Variants in CLCN5 observed in about 807,000 individuals in gnomAD.
The protein encoded by CLCN5 is Cl-/H+ antiporter 5.
In CLCN5, 17 loss-of-function variants were observed where a neutral mutation model predicts 54.0. The ratio of observed to expected loss-of-function variants is 0.31; its 90% CI spans 0.22 to 0.47. The LOEUF is 0.47. CLCN5 is among the 20% of genes least tolerant of loss of function. The pLI is 1.00. For synonymous variants in CLCN5, 222 were observed against 233.0 expected (o/e 0.95, Z 0.43); for missense variants, 448 against 646.7 (o/e 0.69, Z 3.33).
chrX:50,088,388 C>G (rs782587297), intron 11 of CLCN5: 1 of 301,398 alleles, frequency 3.3e-6, no homozygotes. Flanking sequence ...GAAACTCCAT[C>G]TATTTTCCTT....
chrX:50,063,572 C>T (rs1396050790), intron 4 of CLCN5, among the ~76,000 whole-genome samples: 1 of 107,423 alleles, frequency 9.3e-6, no homozygotes, highest in Non-Finnish European at 1.9e-5. Context: ...CCGAATTCTC[C>T]CAGAGGTACA....
At chrX:50,012,192 C>T (rs1930540613) in intron 3 of CLCN5, among the ~76,000 whole-genome samples, 1 of 111,374 alleles carries the variant, frequency 9.0e-6, no homozygotes, top group Admixed American at 9.5e-5. Flanking sequence ...TCTCCAACCC[C>T]CCAACAGTGC....
intron 8 of CLCN5, among the ~76,000 whole-genome samples, 166 bp downstream of exon 8, chrX:50,080,882 G>A (rs782288269): frequency 9.0e-6 from 1 of 111,178 alleles, no homozygotes; most frequent in Non-Finnish European, 1.9e-5. Flanking sequence ...TCTCAGCCTG[G>A]GCTACCAGGA....
At chrX:50,010,648 G>A (rs782515207) in intron 3 of CLCN5, 14 of 155,464 alleles carry the variant, frequency 9.0e-5, no homozygotes, top group Non-Finnish European at 1.9e-4. Context: ...AGGTGTACAG[G>A]TACTGGAATC....
chrX:50,025,826 G>A (rs904454906), intron 3 of CLCN5, among the ~76,000 whole-genome samples: 5 of 111,121 alleles, frequency 4.5e-5, no homozygotes, highest in Non-Finnish European at 9.4e-5. Flanking sequence ...TTTTCAACGA[G>A]CCAGCTTTTG....
chrX:49,998,480 C>T (rs1929636626), intron 3 of CLCN5, among the ~76,000 whole-genome samples: 1 of 111,922 alleles, frequency 8.9e-6, no homozygotes, highest in Non-Finnish European at 1.9e-5. Flanking sequence ...CAGATCCACA[C>T]AAAATGTGCA....
intron 3 of CLCN5, among the ~76,000 whole-genome samples, chrX:49,999,232 A>G (rs1929681231): frequency 9.2e-6 from 1 of 109,166 alleles, no homozygotes; most frequent in African/African-American, 3.4e-5. Flanking sequence ...AGAGGAGGTG[A>G]CTCCTTACCT....
chrX:50,068,142 G>A (rs1335188850), intron 4 of CLCN5: 2 of 111,670 alleles, frequency 1.8e-5, no homozygotes, highest in Non-Finnish European at 3.8e-5. Context: ...AAATTCAACT[G>A]GAGCATTAAC....
chrX:50,036,268 T>C (rs1174687429), intron 3 of CLCN5, among the ~76,000 whole-genome samples: 1 of 112,709 alleles, frequency 8.9e-6, no homozygotes, highest in Non-Finnish European at 1.9e-5. Context: ...AGTACCACTT[T>C]CACTTTTACT....
intron 4 of CLCN5, among the ~76,000 whole-genome samples, chrX:50,066,361 A>G (rs782193143): frequency 9.8e-5 from 11 of 111,686 alleles, no homozygotes; most frequent in Admixed American, 5.7e-4. Context: ...TAATATAACA[A>G]TGATGAACTG....
chrX:49,996,511 G>A (rs781970341), intron 3 of CLCN5, among the ~76,000 whole-genome samples: 36 of 112,139 alleles, frequency 3.2e-4, no homozygotes, highest in Non-Finnish European at 5.5e-4. Flanking sequence ...TTGCAGCATC[G>A]AACCCCATGA....
At chrX:50,091,285 T>C (rs1426545036) in intron 14 of CLCN5, among the ~76,000 whole-genome samples, 1 of 111,799 alleles carries the variant, frequency 8.9e-6, no homozygotes, top group African/African-American at 3.3e-5. Context: ...GTGAGATTTA[T>C]ACAAAGTTCT....
chrX:49,995,816 T>G (rs1291466023), intron 3 of CLCN5, among the ~76,000 whole-genome samples: 1 of 111,987 alleles, frequency 8.9e-6, no homozygotes, highest in African/African-American at 3.2e-5. Flanking sequence ...TTTTATCATG[T>G]GTTATGTACT....
At chrX:50,041,592 T>C (rs1932218146) in intron 3 of CLCN5, among the ~76,000 whole-genome samples, 1 of 110,989 alleles carries the variant, frequency 9.0e-6, no homozygotes. Flanking sequence ...TTCCCCATTC[T>C]CAAATGGCCA....
At chrX:50,077,611 AGAGAGAGAGAGTGTGTGT>A (rs1327958869) in intron 7 of CLCN5, among the ~76,000 whole-genome samples, 5 of 96,395 alleles carry the variant, frequency 5.2e-5, no homozygotes, top group African/African-American at 1.9e-4. Flanking sequence ...AGAGAGAGAG[AGAGAGAGAGAGTGTGTGT>A]GTGTGTGTGT....
intron 4 of CLCN5, chrX:50,067,677 A>G: frequency 6.6e-6 from 5 of 753,770 alleles, no homozygotes; most frequent in Non-Finnish European, 7.8e-6. Flanking sequence ...TCTTTTGTAA[A>G]AGCTCCCCAA....
At chrX:49,938,800 TA>T (rs2147267039) in intron 3 of CLCN5, among the ~76,000 whole-genome samples, 1 of 87,170 alleles carries the variant, frequency 1.1e-5, no homozygotes, top group African/African-American at 4.0e-5. Context: ...GGGATCTAAT[TA>T]AACTAAAGAG....
chrX:50,063,648 A>G (rs1438270035), intron 4 of CLCN5, among the ~76,000 whole-genome samples: 1 of 106,976 alleles, frequency 9.3e-6, no homozygotes, highest in Admixed American at 1.0e-4. Flanking sequence ...AATCCTCCCT[A>G]ACTCATTTTA....
intron 3 of CLCN5, among the ~76,000 whole-genome samples, chrX:50,001,467 C>CT (rs34025614): frequency 0.058 from 6,419 of 109,817 alleles, 545 homozygotes; most frequent in African/African-American, 0.21. Context: ...CCCATTTACT[C>CT]TTTTTTTTAA....
Sources: allele counts gnomAD v4.1 joint callset (sites outside exome capture counted in the v4.1 genomes callset), GRCh38; gene constraint gnomAD v4.1.1; transcripts MANE v1.5; gene names NCBI Gene and HGNC (gene_info 2026-07-23, HGNC 2026-07-21).